Variants in AGBL1 observed in about 807,000 individuals in gnomAD.
AGBL1 encodes the protein AGBL carboxypeptidase 1, also known as cytosolic carboxypeptidase 4.
A neutral mutation model predicts 118.9 loss-of-function variants in AGBL1; 130 were observed. That is an observed-to-expected ratio of 1.09 (90% confidence interval 0.95 to 1.26). The LOEUF (loss-of-function observed/expected upper bound fraction) is 1.26, where lower values mean the gene tolerates loss of function less well. AGBL1 is among the 50% of genes most tolerant of loss of function. AGBL1 has a pLI of 0.00. For synonymous variants in AGBL1, 555 were observed against 478.9 expected (o/e 1.16, Z -2.08); for missense variants, 1,584 against 1,298.1 (o/e 1.22, Z -3.38).
At chr15:86,668,970 G>A (rs895318282) in intron 21 of AGBL1, among the ~76,000 whole-genome samples, 1 of 152,096 alleles carries the variant, frequency 6.6e-6, no homozygotes, top group African/African-American at 2.4e-5. Context: ...AGCTCAAAAG[G>A]CCTCAAGCCA....
intron 22 of AGBL1, among the ~76,000 whole-genome samples, chr15:86,860,272 A>T (rs562677196): frequency 2.6e-5 from 4 of 152,242 alleles, no homozygotes; most frequent in African/African-American, 9.6e-5. Context: ...TTTAGTGCCC[A>T]GCACATGGTG....
chr15:86,634,380 G>A, intron 21 of AGBL1, among the ~76,000 whole-genome samples: 1 of 152,156 alleles, frequency 6.6e-6, no homozygotes, highest in Non-Finnish European at 1.5e-5. Flanking sequence ...TTGATGGAAA[G>A]GAATGAAGTA....
chr15:86,427,871 C>A (rs1241317147), intron 18 of AGBL1, among the ~76,000 whole-genome samples: 1 of 152,182 alleles, frequency 6.6e-6, no homozygotes, highest in African/African-American at 2.4e-5. Flanking sequence ...GGGATCCAAA[C>A]ACTGTGAACA....
intron 22 of AGBL1, among the ~76,000 whole-genome samples, chr15:86,896,679 T>C (rs1032645123): frequency 3.3e-5 from 5 of 152,202 alleles, no homozygotes; most frequent in African/African-American, 1.2e-4. Context: ...CTGTAAAAGA[T>C]AAATTATTCC....
chr15:86,759,845 A>G (rs1596456924), intron 22 of AGBL1, among the ~76,000 whole-genome samples: 1 of 152,122 alleles, frequency 6.6e-6, no homozygotes, highest in African/African-American at 2.4e-5. Context: ...ATCATTTTTA[A>G]AAATCACAAA....
chr15:86,925,132 G>A (rs2141625312), intron 23 of AGBL1, among the ~76,000 whole-genome samples: 1 of 21,212 alleles, frequency 4.7e-5, no homozygotes. Context: ...AGAAGAGGAA[G>A]AGGAAGAGGA....
intron 23 of AGBL1, among the ~76,000 whole-genome samples, chr15:86,923,627 A>G (rs886110837): frequency 7.2e-5 from 11 of 152,326 alleles, no homozygotes; most frequent in Admixed American, 2.0e-4. Context: ...TTGTGGTTCA[A>G]TGCTTCACAT....
At chr15:86,986,428 G>T (rs889660257) in intron 23 of AGBL1, among the ~76,000 whole-genome samples, 4 of 151,960 alleles carry the variant, frequency 2.6e-5, no homozygotes, top group Non-Finnish European at 5.9e-5. Flanking sequence ...TTTATAATAC[G>T]TTTTGAAATC....
chr15:86,887,528 C>T (rs1045749043), intron 22 of AGBL1, among the ~76,000 whole-genome samples: 10 of 152,150 alleles, frequency 6.6e-5, no homozygotes, highest in African/African-American at 2.2e-4. Flanking sequence ...CTTTTAGTTC[C>T]TAGCATGTAC....
chr15:86,622,490 C>T (rs2084826086), intron 21 of AGBL1, among the ~76,000 whole-genome samples: 1 of 151,976 alleles, frequency 6.6e-6, no homozygotes, highest in Non-Finnish European at 1.5e-5. Context: ...GACAATAACA[C>T]AAAACTATGA....
rs140314223 is a variant in AGBL1, at chr15:86,590,507, A to T, written c.2994+35970A>T. Among the ~76,000 whole-genome samples the T allele has an allele frequency of 2.6e-3, 394 of 152,302 alleles. 1 individual carries two copies. The highest frequency in any genetic ancestry group is 7.7e-3 in the African/African-American group (319 of 41,562). On this transcript the variant is annotated intron_variant, in intron 21 of 22. Transcript: ENST00000614907. ...TCCTGAGGCCTCCTCAGCCATGCTA[A>T]ACTGTGAGTCAATGAAACTTCTTTT... is the stretch of plus-strand genomic sequence containing the variant.
At chr15:86,251,828 A>T (rs949306360) in intron 7 of AGBL1, among the ~76,000 whole-genome samples, 27 of 152,008 alleles carry the variant, frequency 1.8e-4, no homozygotes, top group Admixed American at 2.0e-4. Context: ...ATTGAAAAAA[A>T]AAAAGAACTC....
chr15:86,153,124 C>A (rs375088656), intron 3 of AGBL1, among the ~76,000 whole-genome samples: 134 of 152,258 alleles, frequency 8.8e-4, no homozygotes, highest in Non-Finnish European at 1.7e-3. Context: ...GGATCTAGAA[C>A]TAGAATTACC....
At chr15:86,727,357 G>A (rs535743258) in intron 22 of AGBL1, among the ~76,000 whole-genome samples, 7 of 152,054 alleles carry the variant, frequency 4.6e-5, no homozygotes, top group Non-Finnish European at 7.4e-5. Context: ...ATCACACATG[G>A]GCTGGCAACG....
intron 5 of AGBL1, among the ~76,000 whole-genome samples, chr15:86,194,136 G>T (rs1724115245): frequency 6.6e-6 from 1 of 152,120 alleles, no homozygotes; most frequent in Non-Finnish European, 1.5e-5. Flanking sequence ...TTCTGCTCTG[G>T]GATTTTCTTC....
intron 5 of AGBL1, among the ~76,000 whole-genome samples, chr15:86,210,162 T>C (rs2078067205): frequency 6.6e-6 from 1 of 152,240 alleles, no homozygotes; most frequent in African/African-American, 2.4e-5. Flanking sequence ...TTCTGGCTTG[T>C]AGAGTTTCTG....
chr15:86,629,000 C>T (rs2084927834), intron 21 of AGBL1, among the ~76,000 whole-genome samples: 1 of 152,134 alleles, frequency 6.6e-6, no homozygotes, highest in African/African-American at 2.4e-5. Context: ...CTGATGAGAA[C>T]ACTTAAGATC....
intron 18 of AGBL1, among the ~76,000 whole-genome samples, chr15:86,403,652 A>G (rs1412994064): frequency 6.6e-6 from 1 of 152,194 alleles, no homozygotes; most frequent in Non-Finnish European, 1.5e-5. Flanking sequence ...TTACTTAATC[A>G]TCACTATAGC....
chr15:86,885,985 G>C (rs1041009787), intron 22 of AGBL1, among the ~76,000 whole-genome samples: 1 of 152,154 alleles, frequency 6.6e-6, no homozygotes, highest in African/African-American at 2.4e-5. Context: ...TAGAAACATA[G>C]AATTTGGGAA....
Sources: gnomAD v4.1 joint callset for allele counts (sites outside exome capture counted in the v4.1 genomes callset) on GRCh38, gnomAD v4.1.1 for gene constraint, MANE v1.5 for transcripts, NCBI Gene and HGNC (gene_info 2026-07-23, HGNC 2026-07-21) for gene names.